KSR2: variants seen among roughly 807,000 people sequenced by gnomAD.
KSR2 encodes the protein kinase suppressor of ras 2.
A neutral mutation model predicts 107.8 loss-of-function variants in KSR2; 25 were observed. The ratio of observed to expected loss-of-function variants is 0.23; its 90% CI spans 0.17 to 0.32. The LOEUF (loss-of-function observed/expected upper bound fraction) is 0.32. KSR2 is among the 10% of genes least tolerant of loss of function. KSR2 has a pLI of 1.00. For missense variants in KSR2, 887 were observed against 1,268.9 expected (o/e 0.70, Z 4.57); for synonymous variants, 480 against 507.0 (o/e 0.95, Z 0.71).
intron 4 of KSR2, among the ~76,000 whole-genome samples, chr12:117,717,558 T>C (rs1241515545): frequency 6.6e-6 from 1 of 152,062 alleles, no homozygotes; most frequent in African/African-American, 2.4e-5. Flanking sequence ...GGGCCCTATA[T>C]GATTTAGGCT....
At chr12:117,779,450 T>C (rs532712819) in intron 3 of KSR2, among the ~76,000 whole-genome samples, 2 of 152,290 alleles carry the variant, frequency 1.3e-5, no homozygotes, top group African/African-American at 4.8e-5. Context: ...ATAATAAAAG[T>C]ACCCTCTTCT....
At chr12:117,659,970 T>G (rs1884357759) in intron 5 of KSR2, among the ~76,000 whole-genome samples, 1 of 152,230 alleles carries the variant, frequency 6.6e-6, no homozygotes, top group Non-Finnish European at 1.5e-5. Flanking sequence ...CAGCCACACC[T>G]GCTGGGGCTG....
chr12:117,957,934 C>T (rs937201353), intron 1 of KSR2, among the ~76,000 whole-genome samples: 2 of 151,368 alleles, frequency 1.3e-5, no homozygotes, highest in African/African-American at 2.4e-5. Flanking sequence ...TGGGTTCAAG[C>T]GATTCTCCTG....
intron 5 of KSR2, among the ~76,000 whole-genome samples, chr12:117,637,426 T>C (rs1883146062): frequency 6.6e-6 from 1 of 152,158 alleles, no homozygotes; most frequent in African/African-American, 2.4e-5. Context: ...GGGTAGCCCC[T>C]ACCACAAAGA....
chr12:117,925,343 C>T (rs866949969), intron 1 of KSR2, among the ~76,000 whole-genome samples: 6 of 152,024 alleles, frequency 3.9e-5, no homozygotes, highest in African/African-American at 9.7e-5. Flanking sequence ...AGGCTGGTCT[C>T]GAACTCCTGG....
intron 4 of KSR2, among the ~76,000 whole-genome samples, chr12:117,670,987 C>T (rs1472396805): frequency 6.6e-6 from 1 of 152,158 alleles, no homozygotes; most frequent in Non-Finnish European, 1.5e-5. Flanking sequence ...TCTCTTAGAA[C>T]CTGCTTTTCC....
intron 3 of KSR2, among the ~76,000 whole-genome samples, chr12:117,778,823 C>A (rs111975820): frequency 2.0e-5 from 3 of 152,320 alleles, no homozygotes; most frequent in African/African-American, 4.8e-5. Context: ...AATTCCAGAA[C>A]CCTTTGTTGT....
intron 5 of KSR2, among the ~76,000 whole-genome samples, chr12:117,612,791 T>C (rs79702285): frequency 0.07 from 10,663 of 152,192 alleles, 457 homozygotes; most frequent in Middle Eastern, 0.14. Flanking sequence ...GGGAGAAACA[T>C]GTAGGGAGGC....
intron 4 of KSR2, among the ~76,000 whole-genome samples, chr12:117,682,721 T>C (rs1388824788): frequency 6.6e-6 from 1 of 152,078 alleles, no homozygotes; most frequent in African/African-American, 2.4e-5. Context: ...CCTGGCTGTA[T>C]CTCAGAACTT....
At chr12:117,505,812 TA>T (rs1274814502) in intron 14 of KSR2, among the ~76,000 whole-genome samples, 2 of 152,226 alleles carry the variant, frequency 1.3e-5, no homozygotes, top group Admixed American at 6.5e-5. Context: ...CTGTTCCTTA[TA>T]CCAAGAACAC....
intron 4 of KSR2, among the ~76,000 whole-genome samples, chr12:117,672,813 CG>C (rs986275417): frequency 6.6e-6 from 1 of 152,094 alleles, no homozygotes; most frequent in Non-Finnish European, 1.5e-5. Flanking sequence ...TTAATAGAGA[CG>C]GGGTTTCACT....
chr12:117,873,461 C>CTTTTTTTTT (rs546188012), intron 1 of KSR2, among the ~76,000 whole-genome samples: 3 of 119,510 alleles, frequency 2.5e-5, no homozygotes, highest in African/African-American at 6.5e-5. Flanking sequence ...GTTCATGGTG[C>CTTTTTTTTT]TTTTTTTTTT....
intron 4 of KSR2, among the ~76,000 whole-genome samples, chr12:117,671,418 C>T (rs1884902676): frequency 6.6e-6 from 1 of 152,184 alleles, no homozygotes; most frequent in African/African-American, 2.4e-5. Flanking sequence ...TTCAGATTTG[C>T]TGTCTTCCAA....
intron 4 of KSR2, among the ~76,000 whole-genome samples, chr12:117,739,182 C>T (rs917074782): frequency 3.3e-5 from 5 of 152,048 alleles, no homozygotes; most frequent in East Asian, 1.9e-4. Flanking sequence ...GGTGAAACCC[C>T]GTCTCTACTA....
intron 9 of KSR2, among the ~76,000 whole-genome samples, chr12:117,543,154 T>G (rs1291379009): frequency 1.3e-5 from 2 of 152,232 alleles, no homozygotes; most frequent in African/African-American, 4.8e-5. Flanking sequence ...AAGTGTAGTT[T>G]CTGGATAATA....
At chr12:117,965,580 G>T (rs533621427) in intron 1 of KSR2, among the ~76,000 whole-genome samples, 121 of 152,314 alleles carry the variant, frequency 7.9e-4, no homozygotes, top group Non-Finnish European at 1.5e-3. Flanking sequence ...TCACAGCACT[G>T]TTCAGGGATC....
intron 5 of KSR2, among the ~76,000 whole-genome samples, chr12:117,590,605 C>G (rs544225828): frequency 5.9e-4 from 90 of 152,284 alleles, no homozygotes; most frequent in African/African-American, 2.1e-3. Context: ...TTTAACACAT[C>G]AGTTAGAACA....
intron 4 of KSR2, among the ~76,000 whole-genome samples, chr12:117,730,902 G>A (rs967641169): frequency 6.6e-6 from 1 of 152,220 alleles, no homozygotes; most frequent in Non-Finnish European, 1.5e-5. Context: ...CCAAAGTGCT[G>A]AGATTGCAGC....
intron 1 of KSR2, among the ~76,000 whole-genome samples, chr12:117,881,093 T>C (rs142671258): frequency 6.6e-6 from 1 of 152,152 alleles, no homozygotes; most frequent in Admixed American, 6.5e-5. Context: ...GCCTTGTTTT[T>C]GTCATCTTTG....
Sources: gnomAD v4.1 joint callset for allele counts (sites outside exome capture counted in the v4.1 genomes callset) on GRCh38, gnomAD v4.1.1 for gene constraint, MANE v1.5 for transcripts, NCBI Gene and HGNC (gene_info 2026-07-23, HGNC 2026-07-21) for gene names.